ERCC6: variants seen among roughly 807,000 people sequenced by gnomAD.
ERCC6 encodes the protein DNA excision repair protein ERCC-6.
ERCC6 carries 116 observed loss-of-function variants against 158.7 expected under a neutral mutation model. The ratio of observed to expected loss-of-function variants is 0.73; its 90% CI spans 0.63 to 0.85. The LOEUF is 0.85. ERCC6 is among the 40% of genes least tolerant of loss of function. The pLI is 0.00. For synonymous variants in ERCC6, 678 were observed against 659.3 expected, an observed-to-expected ratio of 1.03 and a Z score of -0.43; for missense variants, 1,698 against 1,799.4, an observed-to-expected ratio of 0.94 and a Z score of 1.02.
chr10:49,452,035 C>T (rs984943801), downstream of ERCC6, among the ~76,000 whole-genome samples: 1 of 151,888 alleles, frequency 6.6e-6, no homozygotes, highest in African/African-American at 2.4e-5. Flanking sequence ...AAATATTTGT[C>T]ATATTTATTG....
At chr10:49,519,137 C>A (rs1837074337) in intron 5 of ERCC6, among the ~76,000 whole-genome samples, 1 of 152,132 alleles carries the variant, frequency 6.6e-6, no homozygotes, top group African/African-American at 2.4e-5. Context: ...GTTTGGTTTT[C>A]AGTCCAATGG....
the ERCC6 span, among the ~76,000 whole-genome samples, chr10:49,436,016 G>GA: frequency 2.8e-5 from 3 of 106,470 alleles, no homozygotes; most frequent in Non-Finnish European, 4.7e-5. Context: ...AAGAAAGAAA[G>GA]AAAAAAAAAA....
chr10:49,522,766 T>C (rs1481642308), intron 5 of ERCC6, among the ~76,000 whole-genome samples: 2 of 152,242 alleles, frequency 1.3e-5, no homozygotes, highest in African/African-American at 2.4e-5. Context: ...CACCGCTCAC[T>C]GTTCAAGAGT....
At position 49,454,745 on chromosome 10, in the gene ERCC6, A is replaced by C. The variant is rs112249028; in HGVS notation, c.*4070T>G. 2.7e-4 allele frequency among the ~76,000 whole-genome samples: 41 copies of C among 152,346 alleles called. No individual in the cohort carries two copies. The highest frequency in any genetic ancestry group is 9.4e-4 in the African/African-American group (39 of 41,580). On this transcript the variant is annotated 3_prime_UTR_variant, in exon 21 of 21. Transcript: ENST00000355832. Reference sequence around the variant, plus strand: ...CTATACAATTATATCAATATATACCAGAAAAGACTTTGAGGACAATCATTC... The same window carrying C: ...CTATACAATTATATCAATATATACCCGAAAAGACTTTGAGGACAATCATTC...
intron 10 of ERCC6, 85 bp from the exon 11 acceptor site, chr10:49,478,555 A>T: frequency 1.3e-5 from 3 of 234,626 alleles, no homozygotes; most frequent in Non-Finnish European, 2.4e-5. Flanking sequence ...TCCATTCCTT[A>T]AAAAAAAAAA....
chr10:49,508,294 T>C (rs4253087), intron 5 of ERCC6, among the ~76,000 whole-genome samples: 134,896 of 152,220 alleles, frequency 0.89, 59,822 homozygotes, highest in East Asian at 1. Context: ...TTTTAAACTT[T>C]ATTGATATAT....
chr10:49,506,190 C>A, intron 5 of ERCC6, 178 bp from the exon 6 acceptor site: 1 of 645,474 alleles, frequency 1.5e-6, no homozygotes, highest in South Asian at 1.9e-5. Context: ...TCTTCTCCAG[C>A]CATCTCAATT....
intron 7 of ERCC6, among the ~76,000 whole-genome samples, chr10:49,498,745 A>G (rs1851307263): frequency 6.6e-6 from 1 of 152,202 alleles, no homozygotes; most frequent in Non-Finnish European, 1.5e-5. Context: ...CACCCAAGAG[A>G]GCATGTTTTA....
chr10:49,498,576 GC>G (rs893707803), intron 7 of ERCC6, among the ~76,000 whole-genome samples: 3 of 152,150 alleles, frequency 2.0e-5, no homozygotes, highest in Non-Finnish European at 2.9e-5. Context: ...ATTCTCACAA[GC>G]CACTTCCACC....
In ERCC6 at chr10:49,459,117, T is replaced by A; in HGVS notation, c.4180A>T (p.Arg1394Ter). 5.6e-6 allele frequency: 9 copies of A among 1,614,216 alleles called. No homozygotes were observed. The highest frequency in any genetic ancestry group is 6.8e-6 in the Non-Finnish European group (8 of 1,180,054). The change falls in exon 21 of 21, where the codon AGA becomes TGA. Residue 1394 changes from arginine to a stop codon, truncating the protein, a stop_gained. Transcript: ENST00000355832. LOFTEE classifies it high-confidence loss of function. ...GGCAGAATCAGGTGGTTTCTAGCTC[T>A]CATTTTAGCCAAGAGTGAGGAGGAA... ...LASSSLLAKM[R>*]ARNHLILPER...
intron 5 of ERCC6, among the ~76,000 whole-genome samples, chr10:49,513,037 T>C (rs1000821603): frequency 1.1e-4 from 17 of 152,238 alleles, no homozygotes; most frequent in African/African-American, 4.1e-4. Context: ...AGCATCTTAC[T>C]GCCTTGGTGG....
At chr10:49,461,760 T>C (rs1850587551) in intron 18 of ERCC6, among the ~76,000 whole-genome samples, 1 of 152,102 alleles carries the variant, frequency 6.6e-6, no homozygotes, top group African/African-American at 2.4e-5. Flanking sequence ...ACCTATAACC[T>C]TCCTATTTAC....
At chr10:49,502,646 C>T (rs1308290940) in intron 6 of ERCC6, 1 of 152,150 alleles carries the variant, frequency 6.6e-6, no homozygotes, top group Admixed American at 6.6e-5. Flanking sequence ...CTGTATGTTT[C>T]CAAAGTGATT....
intron 12 of ERCC6, among the ~76,000 whole-genome samples, 167 bp downstream of exon 12, chr10:49,476,048 G>A (rs1850870751): frequency 6.6e-6 from 1 of 152,144 alleles, no homozygotes; most frequent in African/African-American, 2.4e-5. Flanking sequence ...TGCACCTTAC[G>A]GCTCCAGGCC....
rs1176337182 is a variant in ERCC6 at position 49,468,226 on chromosome 10, G to A, written c.3778+1956C>T. Among the ~76,000 whole-genome samples the A allele has an allele frequency of 2.0e-5, 3 of 152,180 alleles. No homozygotes were observed. In the East Asian group the frequency reaches 5.8e-4, roughly 29 times the overall value. On this transcript the variant is annotated intron_variant, in intron 18 of 20. Coordinates refer to ENST00000355832, the MANE Select transcript of ERCC6 (RefSeq NM_000124.4). ...GCCAGTGGAGACTCTGCAGACCTGT[G>A]GGGTTCTCTCCCTGTGCAGAGCTGT...
downstream of ERCC6, among the ~76,000 whole-genome samples, chr10:49,452,712 C>T (rs1478598667): frequency 6.6e-6 from 1 of 152,072 alleles, no homozygotes; most frequent in African/African-American, 2.4e-5. Context: ...TTTTCTTCTT[C>T]CATTTCTGTC....
chr10:49,453,246 G>C (rs575331646), downstream of ERCC6, among the ~76,000 whole-genome samples: 2 of 151,982 alleles, frequency 1.3e-5, no homozygotes, highest in Non-Finnish European at 2.9e-5. Flanking sequence ...CATCTTATCA[G>C]AATCTGTTAG....
rs1850496034 is a variant in ERCC6 at position 49,457,116 on chromosome 10, A to C, written c.*1699T>G. On this transcript the variant is annotated 3_prime_UTR_variant, in exon 21 of 21. Coordinates refer to ENST00000355832, the MANE Select transcript of ERCC6 (RefSeq NM_000124.4). ...AACAAGGAAGACACAATTTCCTTAT[A>C]GGCTAATGATTATAAAAATAGAAAT... 1 of 152,232 alleles carries C rather than the reference A, an allele frequency of 6.6e-6. No individual in the cohort carries two copies. Among genetic ancestry groups the C allele is most frequent in the Non-Finnish European group, 1.5e-5 (1 of 68,046 alleles). 9.4% of individuals were successfully genotyped at this position (152,232 alleles called of 1,614,324 possible).
Position 49,507,186 on chromosome 10 carries a change from C to A in ERCC6, c.1398-1174G>T, listed in dbSNP as rs4253094. ...AGGTAGCTACTGGTGGACCTTAAAGCACATCCTCTGATAAACTCTTGCCTT... is the reference window on the plus strand; with the variant it reads ...AGGTAGCTACTGGTGGACCTTAAAGAACATCCTCTGATAAACTCTTGCCTT... On this transcript the variant is annotated intron_variant, in intron 5 of 20. Coordinates refer to ENST00000355832, the MANE Select transcript of ERCC6 (RefSeq NM_000124.4). Among the ~76,000 whole-genome samples, 973 of 152,290 alleles carry A rather than the reference C, an allele frequency of 6.4e-3. 13 individuals carry two copies. The highest frequency in any genetic ancestry group is 0.021 in the African/African-American group (884 of 41,552).
Sources: gnomAD v4.1 joint callset for allele counts (sites outside exome capture counted in the v4.1 genomes callset) on GRCh38, gnomAD v4.1.1 for gene constraint, MANE v1.5 for transcripts, NCBI Gene and HGNC (gene_info 2026-07-23, HGNC 2026-07-21) for gene names.